ROBO1: variants seen among roughly 807,000 people sequenced by gnomAD.
ROBO1 encodes the protein roundabout guidance receptor 1, also known as roundabout homolog 1.
Under a neutral mutation model 195.9 loss-of-function variants are expected in ROBO1, and 149 were observed. That is an observed-to-expected ratio of 0.76 (90% confidence interval 0.67 to 0.87). ROBO1 has a LOEUF of 0.87. ROBO1 is among the 40% of genes least tolerant of loss of function. The pLI is 0.00. For missense variants in ROBO1, 1,933 were observed against 2,068.3 expected (o/e 0.93, Z 1.27); for synonymous variants, 816 against 733.2 (o/e 1.11, Z -1.82).
intron 2 of ROBO1, among the ~76,000 whole-genome samples, chr3:79,523,782 G>A (rs1294941050): frequency 1.3e-5 from 2 of 152,002 alleles, no homozygotes; most frequent in Non-Finnish European, 2.9e-5. Flanking sequence ...CCTAGACTTT[G>A]CATTTTTCAT....
intron 2 of ROBO1, among the ~76,000 whole-genome samples, chr3:79,552,528 T>C (rs1942560362): frequency 6.6e-6 from 1 of 152,140 alleles, no homozygotes; most frequent in Non-Finnish European, 1.5e-5. Context: ...TCTTGCAGAA[T>C]AGTAAATTCA....
At chr3:79,539,918 A>C (rs1297977463) in intron 2 of ROBO1, among the ~76,000 whole-genome samples, 1 of 116,970 alleles carries the variant, frequency 8.5e-6, no homozygotes. Flanking sequence ...GCAGTGATCC[A>C]AAGATTAATT....
At chr3:79,385,473 T>C (rs1219048425) in intron 2 of ROBO1, among the ~76,000 whole-genome samples, 1 of 152,138 alleles carries the variant, frequency 6.6e-6, no homozygotes, top group Non-Finnish European at 1.5e-5. Flanking sequence ...ATCATTGTAA[T>C]GTTACACTAC....
At chr3:79,344,048 T>C (rs907446878) in intron 2 of ROBO1, among the ~76,000 whole-genome samples, 9 of 152,206 alleles carry the variant, frequency 5.9e-5, no homozygotes, top group African/African-American at 2.2e-4. Context: ...AGGTGGTTTT[T>C]ATGACTGCTC....
chr3:79,274,390 C>T (rs1303291226), intron 2 of ROBO1, among the ~76,000 whole-genome samples: 2 of 151,850 alleles, frequency 1.3e-5, no homozygotes, highest in African/African-American at 4.8e-5. Context: ...ACAATATGCT[C>T]CTGAATGACC....
chr3:79,195,175 G>C (rs1005610352), intron 2 of ROBO1, among the ~76,000 whole-genome samples: 10 of 151,642 alleles, frequency 6.6e-5, no homozygotes, highest in African/African-American at 2.2e-4. Context: ...CCAAAGATCA[G>C]TACTGTCATA....
At chr3:78,672,457 T>G (rs746705341) in intron 10 of ROBO1, among the ~76,000 whole-genome samples, 1 of 151,592 alleles carries the variant, frequency 6.6e-6, no homozygotes, top group Non-Finnish European at 1.5e-5. Flanking sequence ...CCGGCCATGG[T>G]GGTGTGCACC....
intron 3 of ROBO1, among the ~76,000 whole-genome samples, chr3:79,107,127 T>TCTCACACACA (rs1370578718): frequency 7.3e-5 from 10 of 136,456 alleles, no homozygotes; most frequent in African/African-American, 2.1e-4. Context: ...TCTCTCTCTC[T>TCTCACACACA]CACACACACA....
intron 8 of ROBO1, among the ~76,000 whole-genome samples, chr3:78,709,641 T>C (rs1021113672): frequency 6.6e-6 from 1 of 152,216 alleles, no homozygotes; most frequent in Admixed American, 6.5e-5. Context: ...GTGCAATTAC[T>C]TTCTATTAAC....
intron 2 of ROBO1, among the ~76,000 whole-genome samples, chr3:79,241,175 T>G (rs1190404853): frequency 1.3e-5 from 2 of 152,196 alleles, no homozygotes; most frequent in African/African-American, 2.4e-5. Flanking sequence ...CTCTAAGGAC[T>G]GTATTTCTCA....
intron 1 of ROBO1, among the ~76,000 whole-genome samples, chr3:79,651,732 TG>T (rs1310798849): frequency 1.3e-5 from 2 of 152,250 alleles, no homozygotes; most frequent in South Asian, 2.1e-4. Context: ...CTCCTTGGCT[TG>T]GTTTAATGTT....
intron 2 of ROBO1, among the ~76,000 whole-genome samples, chr3:79,234,444 T>TAAA (rs2082373839): frequency 6.6e-6 from 1 of 151,976 alleles, no homozygotes; most frequent in African/African-American, 2.4e-5. Flanking sequence ...ATAGGGAGTC[T>TAAA]TTTCCTAATA....
chr3:79,195,508 CT>C (rs1384903317), intron 2 of ROBO1, among the ~76,000 whole-genome samples: 7 of 151,472 alleles, frequency 4.6e-5, no homozygotes, highest in African/African-American at 9.7e-5. Context: ...TTTCATAGAA[CT>C]TTTTACTTTT....
chr3:78,890,390 G>C (rs1214616657), intron 4 of ROBO1, among the ~76,000 whole-genome samples: 1 of 152,080 alleles, frequency 6.6e-6, no homozygotes, highest in Non-Finnish European at 1.5e-5. Context: ...CTCTCTGCTT[G>C]TATGCACCAA....
chr3:79,129,379 G>T (rs1448939125), intron 2 of ROBO1, among the ~76,000 whole-genome samples: 1 of 151,874 alleles, frequency 6.6e-6, no homozygotes, highest in Admixed American at 6.6e-5. Context: ...AATATATAAG[G>T]TTATATGTGT....
At chr3:79,250,020 T>C in intron 2 of ROBO1, among the ~76,000 whole-genome samples, 1 of 152,132 alleles carries the variant, frequency 6.6e-6, no homozygotes, top group East Asian at 1.9e-4. Flanking sequence ...ACCAGGGAAG[T>C]AATCACTAGT....
At chr3:79,493,623 T>C (rs62257602) in intron 2 of ROBO1, among the ~76,000 whole-genome samples, 10,989 of 152,102 alleles carry the variant, frequency 0.072, 577 homozygotes, top group East Asian at 0.19. Context: ...AGGTTTTTTA[T>C]TTTATTAATT....
chr3:78,811,915 C>T (rs2084754569), intron 4 of ROBO1, among the ~76,000 whole-genome samples: 1 of 152,030 alleles, frequency 6.6e-6, no homozygotes, highest in African/African-American at 2.4e-5. Flanking sequence ...CATTATAGTC[C>T]TAACTTCTGC....
chr3:79,562,070 G>A (rs1942940099), intron 2 of ROBO1, among the ~76,000 whole-genome samples: 1 of 152,058 alleles, frequency 6.6e-6, no homozygotes, highest in African/African-American at 2.4e-5. Context: ...GGCCTTTGTG[G>A]ACTAATTCAG....
Sources: allele counts gnomAD v4.1 joint callset (sites outside exome capture counted in the v4.1 genomes callset), GRCh38; gene constraint gnomAD v4.1.1; transcripts MANE v1.5; gene names NCBI Gene and HGNC (gene_info 2026-07-23, HGNC 2026-07-21).